The following GLIS1 variants were observed in gnomAD, a reference collection of about 807,000 sequenced individuals.
GLIS1 encodes the protein zinc finger protein GLIS1.
Under a neutral mutation model 63.8 loss-of-function variants are expected in GLIS1, and 24 were observed. That is an observed-to-expected ratio of 0.38 (90% confidence interval 0.27 to 0.53). The LOEUF (loss-of-function observed/expected upper bound fraction) is 0.53, where lower values mean the gene tolerates loss of function less well. Ranked by LOEUF, GLIS1 falls within the 20% of genes least tolerant of loss-of-function variation. The pLI is 0.85. For missense variants in GLIS1, 1,036 were observed against 1,074.1 expected (o/e 0.96, Z 0.50); for synonymous variants, 450 against 482.5 (o/e 0.93, Z 0.88).
At position 53,509,970 on chromosome 1, in the gene GLIS1, C is replaced by T. The variant is rs761448821; in HGVS notation, c.1941G>A (p.Pro647=). The T allele has an allele frequency of 1.9e-5, 25 of 1,294,144 alleles. No homozygotes were observed. Among genetic ancestry groups the T allele is most frequent in the African/African-American group, 7.6e-5 (5 of 66,110 alleles). The allele number at this position is 1,294,144 out of a possible 1,614,324, so 80.2% of individuals were successfully genotyped here. A position where few individuals can be genotyped will look rare whatever the true frequency, so the allele number is the denominator to read the frequency against. Residue 647 remains proline (P), a synonymous_variant, in exon 9 of 11, where the codon CCG becomes CCA. Coordinates refer to ENST00000628545, the MANE Select transcript of GLIS1 (RefSeq NM_001367484.1). ...GGCTCTGAGAGGATGGGGGCAGCGG[C>T]GGTGGCCCCAGCCCCTTCAGGGGGC... ...IVSPLKGLGP[P]PLPPSSQSHS... is the part of the protein sequence containing the mutation.
chr1:53,692,535 G>A (rs1201863132), intron 2 of GLIS1, among the ~76,000 whole-genome samples: 2 of 152,224 alleles, frequency 1.3e-5, no homozygotes, highest in Non-Finnish European at 2.9e-5. Context: ...GCCTTGCCTG[G>A]TGGGTGCCAC....
intron 4 of GLIS1, among the ~76,000 whole-genome samples, chr1:53,571,779 C>T (rs989759765): frequency 2.0e-5 from 3 of 152,114 alleles, no homozygotes; most frequent in African/African-American, 4.8e-5. Context: ...GGGGTTTCAC[C>T]GTGTTAGCCA....
intron 2 of GLIS1, among the ~76,000 whole-genome samples, chr1:53,735,000 G>T: frequency 6.6e-6 from 1 of 152,122 alleles, no homozygotes; most frequent in East Asian, 1.9e-4. Flanking sequence ...AGTGCCTCCC[G>T]ATTCCAGATC....
chr1:53,653,518 C>T (rs1001662437), intron 2 of GLIS1, among the ~76,000 whole-genome samples: 7 of 152,220 alleles, frequency 4.6e-5, no homozygotes, highest in African/African-American at 1.4e-4. Context: ...AAGTCTCTAA[C>T]GTTCTCTAGC....
At position 53,555,625 on chromosome 1, in the gene GLIS1, T is replaced by C. The variant is rs187465484; in HGVS notation, c.1321-25673A>G. Among the ~76,000 whole-genome samples the C allele has an allele frequency of 1.2e-3, 178 of 152,384 alleles. No individual in the cohort carries two copies. In the Middle Eastern group the frequency reaches 0.017, roughly 15 times the overall value. On this transcript the variant is annotated intron_variant, in intron 4 of 10. Coordinates refer to ENST00000628545, the MANE Select transcript of GLIS1 (RefSeq NM_001367484.1). ...GAGGTAATGGACACCCCATTTCCCCTGGTGTGATTACTACACATTACATGC... is the reference window on the plus strand; with the variant it reads ...GAGGTAATGGACACCCCATTTCCCCCGGTGTGATTACTACACATTACATGC...
chr1:53,632,325 G>A (rs1645663498), intron 2 of GLIS1, among the ~76,000 whole-genome samples: 1 of 149,268 alleles, frequency 6.7e-6, no homozygotes, highest in African/African-American at 2.5e-5. Flanking sequence ...GTGAATGAGT[G>A]TGACAGACTG....
At position 53,574,408 on chromosome 1, in the gene GLIS1, A is replaced by G. The variant is rs1645012505; in HGVS notation, c.1320+19700T>C. ...ATGAACACTTCTCACCTTGGAAGAC[A>G]GGCATCATTACTGCCACAAGCAGCA... On this transcript the variant is annotated intron_variant, in intron 4 of 10. Coordinates refer to ENST00000628545, the MANE Select transcript of GLIS1 (RefSeq NM_001367484.1). The surrounding 1 kb of genome is among the most constrained non-coding windows in gnomAD (Gnocchi z 4.2). Among the ~76,000 whole-genome samples, 1 of 152,244 alleles carries G rather than the reference A, an allele frequency of 6.6e-6. No individual in the cohort carries two copies. The highest frequency in any genetic ancestry group is 6.5e-5 in the Admixed American group (1 of 15,282).
rs562098405 is a variant in GLIS1, at chr1:53,696,797, C to T, written c.259+41009G>A. On this transcript the variant is annotated intron_variant, in intron 2 of 10. Transcript: ENST00000628545. Reference sequence around the variant, plus strand: ...AGCGCTCAAGGGCCCACCTCCCACACGGAGCCTTGCCTGCCTCCCCCAGCT... The same window carrying T: ...AGCGCTCAAGGGCCCACCTCCCACATGGAGCCTTGCCTGCCTCCCCCAGCT... Among the ~76,000 whole-genome samples the T allele has an allele frequency of 4.6e-5, 7 of 152,312 alleles. No individual in the cohort carries two copies. In the East Asian group the frequency reaches 5.8e-4, roughly 13 times the overall value.
In GLIS1 at chr1:53,524,785, G is replaced by A. The variant is rs59283679; in HGVS notation, c.1585C>T (p.Arg529Cys). 7.4e-6 allele frequency: 12 copies of A among 1,612,302 alleles called. No homozygotes were observed. The highest frequency in any genetic ancestry group is 6.6e-5 in the South Asian group (6 of 91,072). Residue 529 changes from arginine to cysteine, a missense_variant, in exon 6 of 11, where the codon CGT becomes TGT. By Grantham distance (180) the Arg-to-Cys change is radical. Transcript: ENST00000628545. ...KAHSAKEQQV[R>C]KKLHAGPDTE... ...GAGGAGGGCTGGCTTACCTTCTTACGCACCTGCTGCTCTTTGGCTGAATGG... is the reference window on the plus strand; with the variant it reads ...GAGGAGGGCTGGCTTACCTTCTTACACACCTGCTGCTCTTTGGCTGAATGG...
intron 4 of GLIS1, among the ~76,000 whole-genome samples, chr1:53,591,837 A>G (rs1251024515): frequency 6.6e-6 from 1 of 152,226 alleles, no homozygotes; most frequent in African/African-American, 2.4e-5. Context: ...GACCCCACCC[A>G]ACCTTTGTTT....
chr1:53,728,448 T>C (rs545998026), intron 2 of GLIS1, among the ~76,000 whole-genome samples: 1 of 152,270 alleles, frequency 6.6e-6, no homozygotes, highest in African/African-American at 2.4e-5. Flanking sequence ...TCATTACTAT[T>C]ATTATCCTCA....
chr1:53,675,469 G>A (rs1557515864), intron 2 of GLIS1, among the ~76,000 whole-genome samples: 1 of 152,130 alleles, frequency 6.6e-6, no homozygotes, highest in Non-Finnish European at 1.5e-5. Flanking sequence ...ACCCAAATTA[G>A]GGCCCAACTT....
intron 5 of GLIS1, among the ~76,000 whole-genome samples, chr1:53,528,108 G>A (rs891946292): frequency 1.3e-5 from 2 of 152,202 alleles, no homozygotes; most frequent in Non-Finnish European, 1.5e-5. Flanking sequence ...CTGGGGCACA[G>A]AGCGTGCCTC....
chr1:53,708,598 A>G (rs940538828), intron 2 of GLIS1, among the ~76,000 whole-genome samples: 5 of 152,108 alleles, frequency 3.3e-5, no homozygotes, highest in Non-Finnish European at 7.3e-5. Context: ...GCAAGTCAGC[A>G]GCCAGGCTAA....
rs76797882 is a variant in GLIS1, at chr1:53,639,057, T to C, written c.260-38779A>G. Among the ~76,000 whole-genome samples, 8,142 of 152,232 alleles carry C rather than the reference T, an allele frequency of 0.053. 653 individuals carry two copies. The highest frequency in any genetic ancestry group is 0.18 in the African/African-American group (7,288 of 41,502). ...CAGCACCGGCCCCTGAATCAAAGGATTGAAACTAGGATCTGCCACTGGTTA... is the reference window on the plus strand; with the variant it reads ...CAGCACCGGCCCCTGAATCAAAGGACTGAAACTAGGATCTGCCACTGGTTA... On this transcript the variant is annotated intron_variant, in intron 2 of 10. Transcript: ENST00000628545. This position sits in a 1 kb window ranked among gnomAD's most constrained non-coding sequence, Gnocchi z 4.6.
intron 2 of GLIS1, among the ~76,000 whole-genome samples, chr1:53,612,625 A>G (rs1241164590): frequency 6.6e-6 from 1 of 151,942 alleles, no homozygotes; most frequent in Non-Finnish European, 1.5e-5. Flanking sequence ...CTTAACTCCA[A>G]TTTTTGTCTC....
At position 53,594,798 on chromosome 1, in the gene GLIS1, C is replaced by A. The variant is rs777645960; in HGVS notation, c.630G>T (p.Ala210=). 6.8e-6 allele frequency: 11 copies of A among 1,606,654 alleles called. No individual in the cohort carries two copies. The South Asian group carries it at 8.9e-5, about 13-fold the overall frequency. The part of the protein sequence containing the change: ...DLPGRSLATP[A]PSCYLLGSEP... ...CGCTGCCCAGAAGGTAGCAGGAAGG[C>A]GCAGGGGTGGCGAGGCTTCGGCCCG... Residue 210 remains alanine, a synonymous_variant, in exon 4 of 11, where the codon GCG becomes GCT. Coordinates refer to ENST00000628545, the MANE Select transcript of GLIS1 (RefSeq NM_001367484.1).
At chr1:53,676,604 G>A (rs1465365566) in intron 2 of GLIS1, among the ~76,000 whole-genome samples, 3 of 152,164 alleles carry the variant, frequency 2.0e-5, no homozygotes, top group Admixed American at 6.5e-5. Context: ...CCAGCACCCC[G>A]CACGCACCCC....
At chr1:53,697,128 C>CTT (rs1646473638) in intron 2 of GLIS1, among the ~76,000 whole-genome samples, 1 of 152,186 alleles carries the variant, frequency 6.6e-6, no homozygotes. Context: ...AGGACAAGAA[C>CTT]TTTTGGACAT....
Sources: allele counts gnomAD v4.1 joint callset (sites outside exome capture counted in the v4.1 genomes callset), GRCh38; gene constraint gnomAD v4.1.1; non-coding constraint Gnocchi (gnomAD v3.1); transcripts MANE v1.5; gene names NCBI Gene and HGNC (gene_info 2026-07-23, HGNC 2026-07-21).